PCDHGA8: variants seen among roughly 807,000 people sequenced by gnomAD.
PCDHGA8 encodes the protein protocadherin gamma subfamily A, 8.
PCDHGA8 carries 45 observed loss-of-function variants against 59.2 expected under a neutral mutation model. The observed-to-expected ratio is 0.76, with a 90% CI of 0.60 to 0.98. The LOEUF (loss-of-function observed/expected upper bound fraction) is 0.98. Ranked by LOEUF, PCDHGA8 falls within the 50% of genes least tolerant of loss-of-function variation. The pLI is 0.00. For synonymous variants in PCDHGA8, 531 were observed against 519.0 expected (o/e 1.02, Z -0.32); for missense variants, 1,257 against 1,196.2 (o/e 1.05, Z -0.75).
intron 1 of PCDHGA8, chr5:141,427,957 C>T: frequency 2.5e-6 from 4 of 1,588,402 alleles, no homozygotes; most frequent in South Asian, 1.1e-5. Context: ...GACAATGTGC[C>T]GCGGGTGCTG....
At chr5:141,462,360 A>G (rs1400686908) in intron 1 of PCDHGA8, among the ~76,000 whole-genome samples, 1 of 152,238 alleles carries the variant, frequency 6.6e-6, no homozygotes, top group Non-Finnish European at 1.5e-5. Flanking sequence ...TATACATTGT[A>G]TAGTTTCTAT....
At chr5:141,424,746 T>TTA (rs1392854638) in intron 1 of PCDHGA8, 1 of 152,214 alleles carries the variant, frequency 6.6e-6, no homozygotes, top group Non-Finnish European at 1.5e-5. Flanking sequence ...CTTTCTTTCT[T>TTA]TATAAGGTCA....
intron 1 of PCDHGA8, among the ~76,000 whole-genome samples, chr5:141,472,346 C>G (rs1393301393): frequency 6.6e-6 from 1 of 151,722 alleles, no homozygotes; most frequent in Non-Finnish European, 1.5e-5. Flanking sequence ...TCGAGACCAT[C>G]CTGGCTAACA....
At chr5:141,505,616 C>T in intron 3 of PCDHGA8, 135 bp downstream of exon 3, 2 of 1,503,162 alleles carry the variant, frequency 1.3e-6, no homozygotes, top group South Asian at 1.3e-5. Flanking sequence ...CTGAAAGGAC[C>T]CACAATTCCA....
chr5:141,480,145 C>A (rs1331658762), intron 1 of PCDHGA8, among the ~76,000 whole-genome samples: 1 of 151,968 alleles, frequency 6.6e-6, no homozygotes, highest in Non-Finnish European at 1.5e-5. Context: ...CAATTATTAG[C>A]CAGCTCCTAG....
intron 1 of PCDHGA8, among the ~76,000 whole-genome samples, chr5:141,445,441 C>G (rs1201825256): frequency 6.6e-6 from 1 of 152,152 alleles, no homozygotes; most frequent in East Asian, 1.9e-4. Context: ...GACCTATGGA[C>G]TAAGGATGCA....
intron 1 of PCDHGA8, chr5:141,403,862 G>A (rs1370445288): frequency 1.2e-6 from 2 of 1,613,508 alleles, no homozygotes; most frequent in East Asian, 2.2e-5. Flanking sequence ...AATATCAACA[G>A]CAAAAAGTCT....
intron 2 of PCDHGA8, 30 bp from the exon 3 acceptor site, chr5:141,505,361 AGT>A: frequency 6.2e-7 from 1 of 1,613,910 alleles, no homozygotes; most frequent in Non-Finnish European, 8.5e-7. Context: ...CCGGCCTGGG[AGT>A]CTGTGCTCAC....
At chr5:141,463,108 T>G (rs1212278355) in intron 1 of PCDHGA8, among the ~76,000 whole-genome samples, 1 of 152,202 alleles carries the variant, frequency 6.6e-6, no homozygotes, top group Non-Finnish European at 1.5e-5. Flanking sequence ...CATCAAGAAT[T>G]CAGCTAATAG....
rs772487189 is a variant in PCDHGA8 at position 141,415,555 on chromosome 5, C to G, written c.2424+20318C>G. 5 of 1,613,954 alleles carry G rather than the reference C, an allele frequency of 3.1e-6. No homozygotes were observed. In the African/African-American group the frequency reaches 6.7e-5, roughly 22 times the overall value. On this transcript the variant is annotated intron_variant, in intron 1 of 3. Transcript: ENST00000398604. ...CCAGGAGAGCTGTGAGAAAAACGAT[C>G]CTTTGTCTTTGTTAGATGATTCGAA...
At chr5:141,482,239 A>G (rs529504334) in intron 1 of PCDHGA8, among the ~76,000 whole-genome samples, 31 of 152,332 alleles carry the variant, frequency 2.0e-4, no homozygotes, top group Middle Eastern at 3.4e-3. Context: ...TGCCAATATA[A>G]GTATAGTACT....
At chr5:141,418,874 G>A (rs2096295785) in intron 1 of PCDHGA8, 1 of 1,614,024 alleles carries the variant, frequency 6.2e-7, no homozygotes, top group East Asian at 2.2e-5. Context: ...AGAAGTTGTA[G>A]ACGAAAACGA....
intron 1 of PCDHGA8, chr5:141,415,426 C>T: frequency 6.2e-7 from 1 of 1,614,194 alleles, no homozygotes; most frequent in Non-Finnish European, 8.5e-7. Flanking sequence ...GGACGGGGTT[C>T]GGGCTTTCCT....
In PCDHGA8 at chr5:141,432,782, C is replaced by A. The variant is rs547164205; in HGVS notation, c.2424+37545C>A. 6.2e-7 allele frequency: 1 copy of A among 1,614,164 alleles called. No homozygotes were observed. Among genetic ancestry groups the A allele is most frequent in the African/African-American group, 1.3e-5 (1 of 75,052 alleles). ...CAGCATCCCCCAAGTCCTGGCGGAC[C>A]TCGGCAGCCTCGAGTCTCCAGCTAA... On this transcript the variant is annotated intron_variant, in intron 1 of 3. Coordinates refer to ENST00000398604, the MANE Select transcript of PCDHGA8 (RefSeq NM_032088.2). This position sits in a 1 kb window ranked among gnomAD's most constrained non-coding sequence, Gnocchi z 6.0.
At position 141,393,901 on chromosome 5, in the gene PCDHGA8, G is replaced by T; in HGVS notation, c.1088G>T (p.Gly363Val). ...FSPVLENSLPGTVIAFLSVHD... is the reference protein window; with the variant it reads ...FSPVLENSLPVTVIAFLSVHD... Reference sequence around the variant, plus strand: ...CCAGTGTTAGAAAATTCTCTTCCCGGGACAGTAATTGCCTTCTTGAGTGTG... The same window carrying T: ...CCAGTGTTAGAAAATTCTCTTCCCGTGACAGTAATTGCCTTCTTGAGTGTG... The change falls in exon 1 of 4, where the codon GGG becomes GTG. Residue 363 changes from glycine (G) to valine (V), a missense_variant. Physicochemically the swap from Gly to Val is moderately radical, Grantham distance 109. Coordinates refer to ENST00000398604, the MANE Select transcript of PCDHGA8 (RefSeq NM_032088.2). 6.2e-7 allele frequency: 1 copy of T among 1,613,894 alleles called. No individual in the cohort carries two copies. The highest frequency in any genetic ancestry group is 8.5e-7 in the Non-Finnish European group (1 of 1,179,868).
intron 1 of PCDHGA8, among the ~76,000 whole-genome samples, chr5:141,467,903 C>G (rs1256664266): frequency 6.6e-6 from 1 of 152,156 alleles, no homozygotes. Context: ...AAGAAATCCG[C>G]CCACCTCAGC....
chr5:141,477,571 C>T lies in PCDHGA8; in HGVS notation c.2425-17236C>T, dbSNP rs1470454976. The T allele has an allele frequency of 8.1e-6, 13 of 1,614,160 alleles. No individual in the cohort carries two copies. Among genetic ancestry groups the T allele is most frequent in the Middle Eastern group, 1.7e-4 (1 of 6,060 alleles). ...TAAACCTAAGTGTCTGGGACCCCGACGCCCCGCAGAATGCTCGGCTTTCTT... is the reference window on the plus strand; with the variant it reads ...TAAACCTAAGTGTCTGGGACCCCGATGCCCCGCAGAATGCTCGGCTTTCTT... On this transcript the variant is annotated intron_variant, in intron 1 of 3. Transcript: ENST00000398604. This position sits in a 1 kb window ranked among gnomAD's most constrained non-coding sequence, Gnocchi z 4.9.
rs966009387 is a variant in PCDHGA8, at chr5:141,511,564, G to A, written c.*391G>A. The A allele has an allele frequency of 3.0e-5, 9 of 295,900 alleles. No individual in the cohort carries two copies. The highest frequency in any genetic ancestry group is 4.6e-5 in the Non-Finnish European group (7 of 151,798). The allele number at this position is 295,900 out of a possible 1,614,324, so 18.3% of individuals were successfully genotyped here. A position where few individuals can be genotyped will look rare whatever the true frequency, so the allele number is the denominator to read the frequency against. ...CCCACTCCAACAGTTCCTCTTTCCC[G>A]AGTAAGGTGGTTGGGGTGTTGAAGT... On this transcript the variant is annotated 3_prime_UTR_variant, in exon 4 of 4. Transcript: ENST00000398604.
At position 141,490,645 on chromosome 5, in the gene PCDHGA8, C is replaced by G; in HGVS notation, c.2425-4162C>G. ...TGCTTACATCCTAGAAAACCGGCCTCCGGGCTCCCTTCTTTGCACTGTGGC... is the reference window on the plus strand; with the variant it reads ...TGCTTACATCCTAGAAAACCGGCCTGCGGGCTCCCTTCTTTGCACTGTGGC... On this transcript the variant is annotated intron_variant, in intron 1 of 3. Transcript: ENST00000398604. The surrounding 1 kb of genome is among the most constrained non-coding windows in gnomAD (Gnocchi z 5.4). 6.2e-7 allele frequency: 1 copy of G among 1,614,220 alleles called. No homozygotes were observed. Among genetic ancestry groups the G allele is most frequent in the Non-Finnish European group, 8.5e-7 (1 of 1,180,022 alleles).
Sources: gnomAD v4.1 joint callset for allele counts (sites outside exome capture counted in the v4.1 genomes callset) on GRCh38, gnomAD v4.1.1 for gene constraint, Gnocchi (gnomAD v3.1) non-coding constraint, MANE v1.5 for transcripts, NCBI Gene and HGNC (gene_info 2026-07-23, HGNC 2026-07-21) for gene names.